ZHX2: variants seen among roughly 807,000 people sequenced by gnomAD.
ZHX2 encodes the protein zinc fingers and homeoboxes 2.
ZHX2 carries 6 observed loss-of-function variants against 21.9 expected under a neutral mutation model. That is an observed-to-expected ratio of 0.27 (90% CI 0.15 to 0.54). The LOEUF (loss-of-function observed/expected upper bound fraction) is 0.54, where lower values mean the gene tolerates loss of function less well. ZHX2 is among the 20% of genes least tolerant of loss of function. The pLI is 0.95. For missense variants in ZHX2, 908 were observed against 1,090.7 expected, an observed-to-expected ratio of 0.83 and a Z score of 2.36; for synonymous variants, 434 against 437.1, an observed-to-expected ratio of 0.99 and a Z score of 0.09.
In ZHX2 at chr8:122,933,768, C is replaced by T. The variant is rs185533237; in HGVS notation, c.-219-17524C>T. Among the ~76,000 whole-genome samples, 476 of 152,334 alleles carry T rather than the reference C, an allele frequency of 3.1e-3. 5 individuals carry two copies. The highest frequency in any genetic ancestry group is 0.011 in the African/African-American group (461 of 41,570). On this transcript the variant is annotated intron_variant, in intron 2 of 3. Coordinates refer to ENST00000314393, the MANE Select transcript of ZHX2 (RefSeq NM_014943.5). ...GTAGATACACATACAAAGACAATTT[C>T]CTGACTTTCCTGGCTCAGGGTGTAG... is the stretch of plus-strand genomic sequence containing the variant.
intron 2 of ZHX2, among the ~76,000 whole-genome samples, chr8:122,910,696 C>T (rs941860053): frequency 6.6e-6 from 1 of 151,990 alleles, no homozygotes; most frequent in African/African-American, 2.4e-5. Context: ...GAGGCTTGCC[C>T]AATCGAGACC....
intron 1 of ZHX2, among the ~76,000 whole-genome samples, chr8:122,837,478 C>A (rs1818529540): frequency 6.6e-6 from 1 of 152,142 alleles, no homozygotes; most frequent in Admixed American, 6.5e-5. Context: ...TTTCAAACAC[C>A]CACCCTCCTT....
At chr8:122,870,855 T>A (rs772820917) in intron 2 of ZHX2, among the ~76,000 whole-genome samples, 6 of 151,962 alleles carry the variant, frequency 3.9e-5, no homozygotes, top group Non-Finnish European at 7.4e-5. Flanking sequence ...AGAGAAAGAA[T>A]GGACTGCATG....
intron 2 of ZHX2, among the ~76,000 whole-genome samples, chr8:122,945,341 G>C (rs973183479): frequency 2.0e-5 from 3 of 149,554 alleles, no homozygotes; most frequent in African/African-American, 7.5e-5. Context: ...GCACCTTGTG[G>C]CGAAGGGAAG....
chr8:122,930,711 A>C (rs1428781515), intron 2 of ZHX2, among the ~76,000 whole-genome samples: 1 of 151,308 alleles, frequency 6.6e-6, no homozygotes, highest in African/African-American at 2.4e-5. Flanking sequence ...GTTGGCCTCG[A>C]ACTCCTGACC....
At chr8:122,834,105 G>C (rs1818445772) in intron 1 of ZHX2, among the ~76,000 whole-genome samples, 1 of 152,212 alleles carries the variant, frequency 6.6e-6, no homozygotes, top group Admixed American at 6.5e-5. Flanking sequence ...GGAGACTTGG[G>C]AGGACTGGGT....
intron 1 of ZHX2, among the ~76,000 whole-genome samples, chr8:122,789,558 G>A (rs1817470224): frequency 1.3e-5 from 2 of 152,354 alleles, no homozygotes; most frequent in East Asian, 3.9e-4. Flanking sequence ...TGGCAGTGGT[G>A]GTCCGGAGGG....
At chr8:122,835,220 A>G (rs1233835023) in intron 1 of ZHX2, among the ~76,000 whole-genome samples, 1 of 152,282 alleles carries the variant, frequency 6.6e-6, no homozygotes, top group Admixed American at 6.5e-5. Flanking sequence ...AACTCTAACA[A>G]TACCTTCATT....
chr8:122,892,877 G>A (rs534265632), intron 2 of ZHX2, among the ~76,000 whole-genome samples: 3 of 151,932 alleles, frequency 2.0e-5, no homozygotes, highest in Non-Finnish European at 4.4e-5. Context: ...GTAGAGATGG[G>A]GTTTCACTAT....
intron 2 of ZHX2, among the ~76,000 whole-genome samples, chr8:122,902,218 G>A (rs908250986): frequency 6.6e-6 from 1 of 152,194 alleles, no homozygotes; most frequent in African/African-American, 2.4e-5. Context: ...CTTACTCTGT[G>A]CTAGGTACTG....
intron 2 of ZHX2, among the ~76,000 whole-genome samples, chr8:122,910,616 C>G (rs942404024): frequency 1.3e-5 from 2 of 152,106 alleles, no homozygotes; most frequent in African/African-American, 4.8e-5. Flanking sequence ...ATTTTTTATG[C>G]GTACTTTAAT....
At chr8:122,818,056 T>A (rs955272257) in intron 1 of ZHX2, among the ~76,000 whole-genome samples, 1 of 152,168 alleles carries the variant, frequency 6.6e-6, no homozygotes, top group Non-Finnish European at 1.5e-5. Context: ...AGATTTCTCA[T>A]CATCACCCCC....
intron 1 of ZHX2, among the ~76,000 whole-genome samples, chr8:122,844,517 G>A (rs1818710336): frequency 1.3e-5 from 2 of 152,334 alleles, no homozygotes; most frequent in South Asian, 4.1e-4. Flanking sequence ...GAATCTAGAG[G>A]TTCTGGTTTA....
At chr8:122,903,571 A>G (rs1183870656) in intron 2 of ZHX2, among the ~76,000 whole-genome samples, 1 of 152,230 alleles carries the variant, frequency 6.6e-6, no homozygotes, top group African/African-American at 2.4e-5. Flanking sequence ...GCATCTGCCT[A>G]CAAATGAAAG....
At chr8:122,869,579 G>A (rs1033192479) in intron 2 of ZHX2, among the ~76,000 whole-genome samples, 2 of 152,222 alleles carry the variant, frequency 1.3e-5, no homozygotes, top group Non-Finnish European at 2.9e-5. Context: ...CTCCCTCAGG[G>A]AGCTGTCGCC....
chr8:122,854,047 A>G (rs1027332287), intron 1 of ZHX2, among the ~76,000 whole-genome samples: 2 of 152,102 alleles, frequency 1.3e-5, no homozygotes, highest in Non-Finnish European at 2.9e-5. Context: ...AGTGATCTAC[A>G]TGGTCAGGCC....
intron 2 of ZHX2, among the ~76,000 whole-genome samples, chr8:122,866,324 T>TC (rs1270223859): frequency 2.0e-5 from 3 of 151,774 alleles, no homozygotes; most frequent in Admixed American, 1.3e-4. Flanking sequence ...CAAAAGGCAC[T>TC]CCCCCCCACC....
At chr8:122,783,817 T>C (rs1480883570) in intron 1 of ZHX2, among the ~76,000 whole-genome samples, 1 of 152,252 alleles carries the variant, frequency 6.6e-6, no homozygotes, top group African/African-American at 2.4e-5. Context: ...ACACAGCTTC[T>C]TTTAAGGCCA....
chr8:122,799,405 T>TG (rs35996063), intron 1 of ZHX2, among the ~76,000 whole-genome samples: 9,819 of 152,228 alleles, frequency 0.065, 432 homozygotes, highest in African/African-American at 0.12. Context: ...CAATTTTTTT[T>TG]TTTGTTTGTT....
Sources: gnomAD v4.1 joint callset for allele counts (sites outside exome capture counted in the v4.1 genomes callset) on GRCh38, gnomAD v4.1.1 for gene constraint, MANE v1.5 for transcripts, NCBI Gene and HGNC (gene_info 2026-07-23, HGNC 2026-07-21) for gene names.